RYR3: variants seen among roughly 807,000 people sequenced by gnomAD.
The protein encoded by RYR3 is brain ryanodine receptor-calcium release channel.
A neutral mutation model predicts 584.3 loss-of-function variants in RYR3; 207 were observed. The observed-to-expected ratio is 0.35, with a 90% CI of 0.32 to 0.40. The LOEUF (loss-of-function observed/expected upper bound fraction) is 0.40, where lower values mean the gene tolerates loss of function less well. Ranked by LOEUF, RYR3 falls within the 10% of genes least tolerant of loss-of-function variation. The pLI, the probability that RYR3 is intolerant of heterozygous loss-of-function variation, is 1.00. For missense variants in RYR3, 5,616 were observed against 6,089.2 expected, an observed-to-expected ratio of 0.92 and a Z score of 2.59; for synonymous variants, 2,416 against 2,248.5, an observed-to-expected ratio of 1.07 and a Z score of -2.11.
At chr15:33,797,100 G>A (rs990453255) in intron 67 of RYR3, among the ~76,000 whole-genome samples, 11 of 152,060 alleles carry the variant, frequency 7.2e-5, no homozygotes, top group Non-Finnish European at 1.2e-4. Flanking sequence ...TTGGAGATTC[G>A]GAAGGGTTGG....
chr15:33,608,049 C>G (rs2059993955), intron 18 of RYR3, among the ~76,000 whole-genome samples: 1 of 152,236 alleles, frequency 6.6e-6, no homozygotes, highest in Admixed American at 6.5e-5. Context: ...CCCTTGACCA[C>G]TACGATAAAC....
At chr15:33,718,886 A>C (rs150993494) in intron 43 of RYR3, among the ~76,000 whole-genome samples, 290 of 152,350 alleles carry the variant, frequency 1.9e-3, no homozygotes, top group African/African-American at 6.5e-3. Context: ...CATTATTCAT[A>C]TTAGAACTCA....
chr15:33,724,239 C>T lies in RYR3; in HGVS notation c.6912+63C>T, dbSNP rs568990347. 13 of 870,724 alleles carry T rather than the reference C, an allele frequency of 1.5e-5. No individual in the cohort carries two copies. The African/African-American group carries it at 1.5e-4, about 10-fold the overall frequency. 53.9% of individuals were successfully genotyped at this position (870,724 alleles called of 1,614,324 possible). On this transcript the variant is annotated intron_variant, in intron 45 of 103. Transcript: ENST00000634891. ...CCTATGCCAAGAACACTATAGATTT[C>T]CTGAACCTCATTTCTTCCTCTGTCT... is the stretch of plus-strand genomic sequence containing the variant.
At chr15:33,855,606 GA>G (rs1181489875) in intron 98 of RYR3, among the ~76,000 whole-genome samples, 112 of 1,140 alleles carry the variant, frequency 0.098, 1 homozygote, top group East Asian at 0.46. Context: ...AGGTATTTCT[GA>G]TATCTGCATC....
chr15:33,597,265 A>G (rs553905237), intron 16 of RYR3, among the ~76,000 whole-genome samples: 53 of 152,328 alleles, frequency 3.5e-4, no homozygotes, highest in African/African-American at 1.2e-3. Context: ...ATGCTGGGCA[A>G]TACTTAAGGC....
At chr15:33,846,606 C>T (rs1181357365) in intron 93 of RYR3, among the ~76,000 whole-genome samples, 3 of 152,158 alleles carry the variant, frequency 2.0e-5, no homozygotes, top group African/African-American at 4.8e-5. Flanking sequence ...GTGGTCCTTT[C>T]TTCCCTCAGT....
chr15:33,770,035 A>G (rs941595500), intron 62 of RYR3, among the ~76,000 whole-genome samples: 3 of 152,106 alleles, frequency 2.0e-5, no homozygotes, highest in Non-Finnish European at 4.4e-5. Context: ...GGTCCTTGTC[A>G]GAGCCGGGCA....
intron 1 of RYR3, among the ~76,000 whole-genome samples, chr15:33,342,447 C>G (rs1971935522): frequency 6.6e-6 from 1 of 152,054 alleles, no homozygotes; most frequent in Non-Finnish European, 1.5e-5. Flanking sequence ...CCCTTGATGC[C>G]AGTTTTCCTG....
intron 66 of RYR3, among the ~76,000 whole-genome samples, chr15:33,786,243 C>T (rs1250766160): frequency 6.6e-6 from 1 of 152,202 alleles, no homozygotes; most frequent in Non-Finnish European, 1.5e-5. Context: ...ATCAACTCCA[C>T]TCAAATCCAA....
intron 19 of RYR3, among the ~76,000 whole-genome samples, chr15:33,621,396 A>G (rs1194235680): frequency 6.6e-6 from 1 of 152,208 alleles, no homozygotes; most frequent in Non-Finnish European, 1.5e-5. Context: ...ATTTTATCCC[A>G]TGGTTTCCAT....
intron 94 of RYR3, chr15:33,852,777 C>A: frequency 2.7e-6 from 1 of 372,182 alleles, no homozygotes; most frequent in Non-Finnish European, 5.0e-6. Context: ...TCTGTCATCA[C>A]AATTCTTGGC....
intron 1 of RYR3, among the ~76,000 whole-genome samples, chr15:33,425,791 G>A (rs555497336): frequency 0.013 from 2,001 of 151,848 alleles, 20 homozygotes; most frequent in Non-Finnish European, 0.02. Context: ...ACAGGCGCCC[G>A]CCACCACACC....
intron 40 of RYR3, among the ~76,000 whole-genome samples, chr15:33,698,491 C>T (rs1334380354): frequency 6.6e-6 from 1 of 152,204 alleles, no homozygotes; most frequent in East Asian, 1.9e-4. Context: ...GCTCCTGTTG[C>T]TAAGGGGAGA....
At chr15:33,686,156 G>T (rs2064992597) in intron 38 of RYR3, among the ~76,000 whole-genome samples, 1 of 151,976 alleles carries the variant, frequency 6.6e-6, no homozygotes, top group Non-Finnish European at 1.5e-5. Flanking sequence ...CCAGGAGCTG[G>T]TTTTTTGAAA....
chr15:33,609,910 C>G (rs1265485633), intron 18 of RYR3, among the ~76,000 whole-genome samples: 9 of 152,018 alleles, frequency 5.9e-5, no homozygotes, highest in Non-Finnish European at 1.3e-4. Context: ...AGATGTCAAA[C>G]CTACACACTC....
chr15:33,416,794 A>G lies in RYR3; in HGVS notation c.52-56625A>G, dbSNP rs145559940. ...CAATGTCTGGAACAGTATTTCCTAC[A>G]TCTTCTTGTAGGATTTTTATGGTGT... On this transcript the variant is annotated intron_variant, in intron 1 of 103. Coordinates refer to ENST00000634891, the MANE Select transcript of RYR3 (RefSeq NM_001036.6). Among the ~76,000 whole-genome samples, 10 of 152,202 alleles carry G rather than the reference A, an allele frequency of 6.6e-5. No individual in the cohort carries two copies. In the East Asian group the frequency reaches 1.9e-3, roughly 29 times the overall value.
chr15:33,744,477 C>T (rs1017386183), intron 52 of RYR3, among the ~76,000 whole-genome samples: 6 of 152,162 alleles, frequency 3.9e-5, no homozygotes, highest in Non-Finnish European at 8.8e-5. Context: ...CCCTCAAAAG[C>T]CTCATGATCT....
intron 1 of RYR3, among the ~76,000 whole-genome samples, chr15:33,446,886 G>T (rs74005628): frequency 0.036 from 5,554 of 152,252 alleles, 121 homozygotes; most frequent in African/African-American, 0.061. Flanking sequence ...TAGAAGGCAG[G>T]TTCTCCAACG....
intron 12 of RYR3, among the ~76,000 whole-genome samples, chr15:33,572,207 A>G (rs1370790952): frequency 2.6e-5 from 4 of 152,206 alleles, no homozygotes; most frequent in African/African-American, 7.2e-5. Context: ...ACATAAAAGA[A>G]AGATACATGT....
Sources: allele counts gnomAD v4.1 joint callset (sites outside exome capture counted in the v4.1 genomes callset), GRCh38; gene constraint gnomAD v4.1.1; transcripts MANE v1.5; gene names NCBI Gene and HGNC (gene_info 2026-07-23, HGNC 2026-07-21).